The following WWTR1 variants were observed in gnomAD, a reference collection of about 807,000 sequenced individuals.
WWTR1 encodes the protein WW domain-containing transcription regulator protein 1.
Under a neutral mutation model 40.1 loss-of-function variants are expected in WWTR1, and 13 were observed. The observed-to-expected ratio is 0.32, with a 90% CI of 0.21 to 0.52. The LOEUF is 0.52. Among genes scored for constraint, WWTR1 ranks in the 20% least tolerant of loss-of-function variants. The pLI is 0.97. For missense variants in WWTR1, 436 were observed against 523.1 expected (o/e 0.83, Z 1.63); for synonymous variants, 230 against 210.1 (o/e 1.09, Z -0.82).
chr3:149,618,565 G>T (rs1172535399), intron 2 of WWTR1, among the ~76,000 whole-genome samples: 1 of 152,190 alleles, frequency 6.6e-6, no homozygotes, highest in African/African-American at 2.4e-5. Flanking sequence ...TGAAAAAGAT[G>T]TGGTCCCCAC....
chr3:149,536,301 AC>A (rs1467986442), intron 4 of WWTR1, among the ~76,000 whole-genome samples: 1 of 152,142 alleles, frequency 6.6e-6, no homozygotes, highest in Non-Finnish European at 1.5e-5. Flanking sequence ...AGACTACGTG[AC>A]CTCTGTTAAC....
intron 2 of WWTR1, among the ~76,000 whole-genome samples, chr3:149,663,063 T>C (rs978274696): frequency 6.6e-6 from 1 of 152,104 alleles, no homozygotes; most frequent in African/African-American, 2.4e-5. Context: ...GACAGAGTCT[T>C]ACTCTGTCAC....
chr3:149,614,114 C>T (rs1377625122), intron 2 of WWTR1, among the ~76,000 whole-genome samples: 1 of 152,162 alleles, frequency 6.6e-6, no homozygotes, highest in Non-Finnish European at 1.5e-5. Flanking sequence ...ACTTATATTT[C>T]ATCTGGGAAA....
intron 2 of WWTR1, among the ~76,000 whole-genome samples, chr3:149,588,603 C>A (rs944351943): frequency 6.6e-6 from 1 of 151,990 alleles, no homozygotes; most frequent in African/African-American, 2.4e-5. Context: ...GAACATAATC[C>A]CGTTTTGGTA....
chr3:149,693,298 C>T (rs1714881762), intron 1 of WWTR1, among the ~76,000 whole-genome samples: 1 of 152,024 alleles, frequency 6.6e-6, no homozygotes, highest in Admixed American at 6.6e-5. Flanking sequence ...TATACCATGA[C>T]AACTATAAAA....
At chr3:149,705,693 C>T (rs781767032), upstream of WWTR1, among the ~76,000 whole-genome samples, 26 of 152,170 alleles carry the variant, frequency 1.7e-4, no homozygotes, top group South Asian at 4.1e-4. Flanking sequence ...AATAGCTAAC[C>T]TGGACAACTA....
At chr3:149,575,522 A>T (rs1466925809) in intron 2 of WWTR1, among the ~76,000 whole-genome samples, 1 of 152,148 alleles carries the variant, frequency 6.6e-6, no homozygotes, top group African/African-American at 2.4e-5. Context: ...GACATCATGG[A>T]TATTGATGCT....
chr3:149,640,011 AAAGAAAGAAAGAAAG>A (rs1712069242), intron 2 of WWTR1, among the ~76,000 whole-genome samples: 1 of 132,056 alleles, frequency 7.6e-6, no homozygotes, highest in East Asian at 2.1e-4. Flanking sequence ...AAAAAAAAAA[AAAGAAAGAAAGAAAG>A]AAAGAAAGAA....
intron 2 of WWTR1, among the ~76,000 whole-genome samples, chr3:149,579,249 G>A (rs564188036): frequency 1.3e-5 from 2 of 152,160 alleles, no homozygotes; most frequent in Non-Finnish European, 2.9e-5. Context: ...TCCATCAGCA[G>A]AGTGGTTAGG....
intron 2 of WWTR1, among the ~76,000 whole-genome samples, chr3:149,596,156 TC>T (rs1390717123): frequency 6.6e-6 from 1 of 152,232 alleles, no homozygotes; most frequent in Non-Finnish European, 1.5e-5. Context: ...ATAGCATATT[TC>T]CTTCTATCCT....
intron 2 of WWTR1, among the ~76,000 whole-genome samples, chr3:149,584,884 AC>A (rs1381270467): frequency 2.0e-5 from 3 of 152,208 alleles, no homozygotes; most frequent in Non-Finnish European, 4.4e-5. Flanking sequence ...TCATCAAATA[AC>A]AAAAGTAAAG....
At chr3:149,620,756 T>C (rs921272491) in intron 2 of WWTR1, among the ~76,000 whole-genome samples, 3 of 152,210 alleles carry the variant, frequency 2.0e-5, no homozygotes, top group Non-Finnish European at 4.4e-5. Flanking sequence ...GTCTGGAAAC[T>C]AACAGCATTT....
In WWTR1 at chr3:149,522,734, C is replaced by A. The variant is rs1576533382; in HGVS notation, c.1019-1745G>T. Among the ~76,000 whole-genome samples the A allele has an allele frequency of 2.0e-5, 3 of 152,100 alleles. No individual in the cohort carries two copies. The Middle Eastern group carries it at 0.01, about 517-fold the overall frequency. ...AATATAATTTTTAGCCAAGCAAAAT[C>A]TCTGTTTTAAAGAATTCCTAGGCCG... On this transcript the variant is annotated intron_variant, in intron 6 of 6. Transcript: ENST00000360632.
At chr3:149,553,772 T>C (rs781648001) in intron 3 of WWTR1, among the ~76,000 whole-genome samples, 18 of 152,210 alleles carry the variant, frequency 1.2e-4, no homozygotes, top group South Asian at 1.0e-3. Flanking sequence ...TGGGTGCAGC[T>C]GCGGGTCTTT....
At chr3:149,565,653 T>C (rs915832568) in intron 3 of WWTR1, among the ~76,000 whole-genome samples, 1 of 152,174 alleles carries the variant, frequency 6.6e-6, no homozygotes, top group Non-Finnish European at 1.5e-5. Context: ...TGCTCGTGCC[T>C]GTAATCCCAG....
intron 4 of WWTR1, among the ~76,000 whole-genome samples, chr3:149,534,013 C>CA (rs540222187): frequency 1.3e-3 from 202 of 152,110 alleles, no homozygotes; most frequent in Non-Finnish European, 2.3e-3. Flanking sequence ...ACTAAAGATA[C>CA]AAAAAAATTA....
At chr3:149,523,062 T>C (rs1202067040) in intron 6 of WWTR1, among the ~76,000 whole-genome samples, 2 of 93,006 alleles carry the variant, frequency 2.2e-5, no homozygotes, top group African/African-American at 5.9e-5. Context: ...TGAGACCCCG[T>C]ATTAAAAAAA....
At chr3:149,522,981 GT>G (rs1322022075) in intron 6 of WWTR1, among the ~76,000 whole-genome samples, 1 of 151,146 alleles carries the variant, frequency 6.6e-6, no homozygotes, top group Non-Finnish European at 1.5e-5. Flanking sequence ...CCCGAGACTC[GT>G]TTGAATCCAG....
intron 2 of WWTR1, among the ~76,000 whole-genome samples, chr3:149,641,994 G>A (rs918744867): frequency 2.0e-5 from 3 of 152,106 alleles, no homozygotes; most frequent in African/African-American, 7.2e-5. Context: ...TAAAAGCCTA[G>A]GTAAAAAAGA....
Sources: gnomAD v4.1 joint callset for allele counts (sites outside exome capture counted in the v4.1 genomes callset) on GRCh38, gnomAD v4.1.1 for gene constraint, MANE v1.5 for transcripts, NCBI Gene and HGNC (gene_info 2026-07-23, HGNC 2026-07-21) for gene names.